Variants in PPM1E observed in about 807,000 individuals in gnomAD.
PPM1E encodes protein phosphatase, Mg2+/Mn2+ dependent 1E.
A neutral mutation model predicts 65.9 loss-of-function variants in PPM1E; 20 were observed. The ratio of observed to expected loss-of-function variants is 0.30; its 90% CI spans 0.21 to 0.44. PPM1E has a LOEUF of 0.44. Among genes scored for constraint, PPM1E ranks in the 20% least tolerant of loss-of-function variants. PPM1E has a pLI of 1.00. For synonymous variants in PPM1E, 352 were observed against 374.9 expected (o/e 0.94, Z 0.70); for missense variants, 713 against 953.1 (o/e 0.75, Z 3.32).
intron 1 of PPM1E, among the ~76,000 whole-genome samples, chr17:58,914,131 T>C (rs2051659156): frequency 6.6e-6 from 1 of 152,142 alleles, no homozygotes; most frequent in South Asian, 2.1e-4. Flanking sequence ...CATGTCAAAT[T>C]TTTCTCACTG....
chr17:58,815,844 AT>A (rs1159639558), intron 1 of PPM1E, among the ~76,000 whole-genome samples: 1 of 152,070 alleles, frequency 6.6e-6, no homozygotes, highest in Non-Finnish European at 1.5e-5. Context: ...TATAGTTGTC[AT>A]TTTAACTGTG....
intron 1 of PPM1E, among the ~76,000 whole-genome samples, chr17:58,805,376 G>A (rs940893954): frequency 2.6e-5 from 4 of 151,872 alleles, no homozygotes; most frequent in Non-Finnish European, 5.9e-5. Flanking sequence ...TCAACCTCCC[G>A]AGTAACTGGG....
At chr17:58,776,641 C>T (rs2049997341) in intron 1 of PPM1E, among the ~76,000 whole-genome samples, 1 of 152,050 alleles carries the variant, frequency 6.6e-6, no homozygotes, top group Non-Finnish European at 1.5e-5. Context: ...TCATTTATTG[C>T]TTTATTTTAA....
chr17:58,937,195 T>C (rs114166492), intron 1 of PPM1E, among the ~76,000 whole-genome samples: 1,632 of 151,966 alleles, frequency 0.011, 28 homozygotes, highest in African/African-American at 0.038. Context: ...CAGTACTTTC[T>C]TGTTTCAAAT....
chr17:58,945,115 A>G (rs1043960553), intron 1 of PPM1E, among the ~76,000 whole-genome samples: 5 of 151,718 alleles, frequency 3.3e-5, no homozygotes, highest in African/African-American at 1.2e-4. Context: ...GGGGAAGAAA[A>G]AAACCTGTTT....
At chr17:58,788,426 C>G (rs2050125058) in intron 1 of PPM1E, among the ~76,000 whole-genome samples, 1 of 152,146 alleles carries the variant, frequency 6.6e-6, no homozygotes, top group Admixed American at 6.6e-5. Context: ...AGAAGAGTCA[C>G]TTCAGTCTGC....
At chr17:58,816,035 G>GT (rs1244337772) in intron 1 of PPM1E, among the ~76,000 whole-genome samples, 1 of 149,432 alleles carries the variant, frequency 6.7e-6, no homozygotes, top group Non-Finnish European at 1.5e-5. Flanking sequence ...CTTTTTTTTT[G>GT]TTTTTTTGGA....
intron 1 of PPM1E, among the ~76,000 whole-genome samples, chr17:58,792,815 A>G (rs1431589307): frequency 1.7e-5 from 2 of 117,810 alleles, no homozygotes; most frequent in African/African-American, 7.0e-5. Flanking sequence ...GTGCAGTGGC[A>G]TGATCTCAGC....
chr17:58,860,715 G>A (rs753428944), intron 1 of PPM1E, among the ~76,000 whole-genome samples: 18 of 152,158 alleles, frequency 1.2e-4, no homozygotes, highest in Non-Finnish European at 1.9e-4. Flanking sequence ...AGGCCGAGGC[G>A]GGCAGACCGC....
At chr17:58,760,349 A>G (rs948588493) in intron 1 of PPM1E, among the ~76,000 whole-genome samples, 2 of 152,056 alleles carry the variant, frequency 1.3e-5, no homozygotes. Context: ...CAGTCCTCCA[A>G]CCCTCTTTAC....
intron 1 of PPM1E, among the ~76,000 whole-genome samples, chr17:58,770,003 G>T (rs2049920469): frequency 6.6e-6 from 1 of 151,808 alleles, no homozygotes; most frequent in Non-Finnish European, 1.5e-5. Flanking sequence ...TTCCAGCCTG[G>T]GTGACAGAGC....
chr17:58,850,869 T>C (rs1417116528), intron 1 of PPM1E, among the ~76,000 whole-genome samples: 1 of 152,304 alleles, frequency 6.6e-6, no homozygotes, highest in East Asian at 1.9e-4. Flanking sequence ...TCCTGAAGAG[T>C]GTTTTCCAAC....
intron 1 of PPM1E, among the ~76,000 whole-genome samples, chr17:58,801,820 G>C (rs775650988): frequency 1.3e-5 from 2 of 151,796 alleles, no homozygotes; most frequent in Non-Finnish European, 2.9e-5. Context: ...GCAGTGGCAT[G>C]ATCTCGGCTC....
chr17:58,816,871 C>T (rs1211013272), intron 1 of PPM1E, among the ~76,000 whole-genome samples: 1 of 147,530 alleles, frequency 6.8e-6, no homozygotes, highest in Non-Finnish European at 1.5e-5. Flanking sequence ...TCTCAGCTCA[C>T]CGCAACCTCC....
chr17:58,766,604 T>TAC (rs1491328736), intron 1 of PPM1E, among the ~76,000 whole-genome samples: 5 of 103,412 alleles, frequency 4.8e-5, no homozygotes, highest in African/African-American at 1.6e-4. Context: ...TATGTGTGTG[T>TAC]ATACACACAC....
At chr17:58,909,317 G>C (rs1025706514) in intron 1 of PPM1E, among the ~76,000 whole-genome samples, 1 of 152,028 alleles carries the variant, frequency 6.6e-6, no homozygotes, top group South Asian at 2.1e-4. Context: ...GAATGCAATG[G>C]CATGATCATA....
intron 1 of PPM1E, among the ~76,000 whole-genome samples, chr17:58,888,193 G>A (rs2051299997): frequency 6.6e-6 from 1 of 152,004 alleles, no homozygotes; most frequent in African/African-American, 2.4e-5. Context: ...TCAGAAGAGA[G>A]GTATGACTGG....
intron 1 of PPM1E, among the ~76,000 whole-genome samples, chr17:58,777,969 G>A (rs780175661): frequency 2.0e-5 from 3 of 152,080 alleles, no homozygotes; most frequent in Non-Finnish European, 4.4e-5. Context: ...TTGCTCCATC[G>A]CCCAGGCTGG....
intron 1 of PPM1E, among the ~76,000 whole-genome samples, chr17:58,772,820 A>G (rs915259822): frequency 6.6e-6 from 1 of 152,180 alleles, no homozygotes; most frequent in Non-Finnish European, 1.5e-5. Context: ...GAGATACTGG[A>G]ATTTTTAAAC....
Sources: allele counts gnomAD v4.1 joint callset (sites outside exome capture counted in the v4.1 genomes callset), GRCh38; gene constraint gnomAD v4.1.1; transcripts MANE v1.5; gene names NCBI Gene and HGNC (gene_info 2026-07-23, HGNC 2026-07-21).